The following KDM2B variants were observed in gnomAD, a reference collection of about 807,000 sequenced individuals.
The protein encoded by KDM2B is lysine demethylase 2B, also known as lysine-specific demethylase 2B.
KDM2B carries 26 observed loss-of-function variants against 150.0 expected under a neutral mutation model. The observed-to-expected ratio is 0.17, with a 90% CI of 0.13 to 0.24. The LOEUF (loss-of-function observed/expected upper bound fraction) is 0.24. Among genes scored for constraint, KDM2B ranks in the 10% least tolerant of loss-of-function variants. The pLI, the probability that KDM2B is intolerant of heterozygous loss-of-function variation, is 1.00. For missense variants in KDM2B, 1,265 were observed against 1,816.9 expected (o/e 0.70, Z 5.52); for synonymous variants, 734 against 729.5 (o/e 1.01, Z -0.10).
At chr12:121,494,371 G>A (rs1029177724) in intron 12 of KDM2B, 24 of 517,750 alleles carry the variant, frequency 4.6e-5, no homozygotes, top group Admixed American at 1.1e-4. Flanking sequence ...ACCACCAGGC[G>A]GCACTGTTCG....
rs782171290 is a variant in KDM2B, at chr12:121,580,888, TCCC to T, written c.21_23del (p.Gly8del). 4 of 1,613,372 alleles carry T rather than the reference TCCC, an allele frequency of 2.5e-6. No individual in the cohort carries two copies. The highest frequency in any genetic ancestry group is 4.5e-5 in the East Asian group (2 of 44,872). On this transcript the variant is annotated inframe_deletion, in exon 1 of 23. Coordinates refer to ENST00000377071, the MANE Select transcript of KDM2B (RefSeq NM_032590.5). ...TTCGTGGGGGGTGATCCTCTGCAGA[TCCC>T]CCCATTTGCGGACCCGCCATGTGGA...
intron 4 of KDM2B, among the ~76,000 whole-genome samples, chr12:121,558,759 T>G (rs1890103319): frequency 6.6e-6 from 1 of 151,980 alleles, no homozygotes; most frequent in South Asian, 2.1e-4. Context: ...CCAGCCTAAT[T>G]TTTGTATTTT....
downstream of KDM2B, among the ~76,000 whole-genome samples, chr12:121,424,604 A>G (rs371667128): frequency 1.0e-3 from 157 of 152,090 alleles, no homozygotes; most frequent in South Asian, 0.024. Flanking sequence ...CCAGCTACTC[A>G]GGAGGCTGAG....
intron 6 of KDM2B, among the ~76,000 whole-genome samples, chr12:121,536,836 G>A (rs529544722): frequency 2.6e-5 from 4 of 152,226 alleles, no homozygotes; most frequent in Non-Finnish European, 4.4e-5. Context: ...GAGAGGACAG[G>A]AGCTCGCCTC....
At chr12:121,477,670 C>T (rs1168287652) in intron 12 of KDM2B, among the ~76,000 whole-genome samples, 1 of 151,424 alleles carries the variant, frequency 6.6e-6, no homozygotes, top group Non-Finnish European at 1.5e-5. Flanking sequence ...TTCTGCCTCC[C>T]GGGTTCAAGC....
At chr12:121,471,214 T>TA (rs1282967574) in intron 12 of KDM2B, among the ~76,000 whole-genome samples, 1 of 152,134 alleles carries the variant, frequency 6.6e-6, no homozygotes, top group African/African-American at 2.4e-5. Flanking sequence ...CCTCATCTTC[T>TA]AGCGACCCTA....
At chr12:121,483,600 C>A (rs1360164583) in intron 12 of KDM2B, among the ~76,000 whole-genome samples, 1 of 148,872 alleles carries the variant, frequency 6.7e-6, no homozygotes, top group Non-Finnish European at 1.5e-5. Context: ...TCCCTTGAGT[C>A]CGGGAGGTGT....
rs370105782 is a variant in KDM2B at position 121,520,960 on chromosome 12, C to T, written c.1047+25G>A. The T allele has an allele frequency of 2.3e-5, 36 of 1,593,098 alleles. No individual in the cohort carries two copies. The highest frequency in any genetic ancestry group is 1.6e-4 in the East Asian group (7 of 44,716). On this transcript the variant is annotated intron_variant, in intron 9 of 22. Coordinates refer to ENST00000377071, the MANE Select transcript of KDM2B (RefSeq NM_032590.5). This position sits in a 1 kb window ranked among gnomAD's most constrained non-coding sequence, Gnocchi z 4.5. Reference sequence around the variant, plus strand: ...AGAGCTCAGGGGCCAGGCGCGCACGCGAGGACAGAAGGGAACCTCCTTACC... The same window carrying T: ...AGAGCTCAGGGGCCAGGCGCGCACGTGAGGACAGAAGGGAACCTCCTTACC...
chr12:121,504,843 G>A (rs935896721), intron 11 of KDM2B, among the ~76,000 whole-genome samples: 3 of 152,060 alleles, frequency 2.0e-5, no homozygotes, highest in Admixed American at 6.6e-5. Flanking sequence ...GCCACCGAGC[G>A]CGGTGGCTCA....
chr12:121,519,805 T>C (rs1555305557), intron 9 of KDM2B, among the ~76,000 whole-genome samples: 2 of 152,088 alleles, frequency 1.3e-5, no homozygotes, highest in African/African-American at 4.8e-5. Flanking sequence ...TAAAAGAAAA[T>C]GAATATTTGA....
Position 121,443,034 on chromosome 12 carries a change from T to C in KDM2B, c.2566-4A>G, listed in dbSNP as rs1875440205. 6.2e-7 allele frequency: 1 copy of C among 1,611,926 alleles called. No homozygotes were observed. Among genetic ancestry groups the C allele is most frequent in the South Asian group, 1.1e-5 (1 of 90,644 alleles). On this transcript the variant is annotated splice_polypyrimidine_tract_variant and splice_region_variant and intron_variant, in intron 17 of 22. Coordinates refer to ENST00000377071, the MANE Select transcript of KDM2B (RefSeq NM_032590.5). ...TATCTTCTTTGCCAGGTTTGAGCTGTCACGAAAAAGAAAGGACGCAGAGCT... is the reference window on the plus strand; with the variant it reads ...TATCTTCTTTGCCAGGTTTGAGCTGCCACGAAAAAGAAAGGACGCAGAGCT...
Position 121,442,963 on chromosome 12 carries a change from G to C in KDM2B, c.2604+29C>G. Reference sequence around the variant, plus strand: ...GGTGCAGCTCTAACCGCTCAGGCCTGGGGCACAGGAGGGAGGGGAAGATGG... The same window carrying C: ...GGTGCAGCTCTAACCGCTCAGGCCTCGGGCACAGGAGGGAGGGGAAGATGG... On this transcript the variant is annotated intron_variant, in intron 18 of 22. Coordinates refer to ENST00000377071, the MANE Select transcript of KDM2B (RefSeq NM_032590.5). This position sits in a 1 kb window ranked among gnomAD's most constrained non-coding sequence, Gnocchi z 7.7. 1 of 1,612,240 alleles carries C rather than the reference G, an allele frequency of 6.2e-7. No individual in the cohort carries two copies. Among genetic ancestry groups the C allele is most frequent in the Non-Finnish European group, 8.5e-7 (1 of 1,179,038 alleles).
At chr12:121,561,643 A>G (rs1449582802) in intron 4 of KDM2B, among the ~76,000 whole-genome samples, 1 of 152,068 alleles carries the variant, frequency 6.6e-6, no homozygotes, top group Non-Finnish European at 1.5e-5. Context: ...AACCACACCC[A>G]TCTATGTCCA....
At chr12:121,426,039 T>C (rs781963305), downstream of KDM2B, among the ~76,000 whole-genome samples, 135 of 152,176 alleles carry the variant, frequency 8.9e-4, no homozygotes, top group Non-Finnish European at 1.4e-3. Flanking sequence ...AGTAATCTTT[T>C]GATGAGACTC....
intron 12 of KDM2B, 165 bp downstream of exon 12, chr12:121,494,414 T>A: frequency 1.7e-6 from 1 of 572,522 alleles, no homozygotes; most frequent in Non-Finnish European, 3.1e-6. Context: ...CAACCCCCTT[T>A]TAAAAACAAA....
At chr12:121,413,558 C>A in the KDM2B span, among the ~76,000 whole-genome samples, 3 of 150,566 alleles carry the variant, frequency 2.0e-5, no homozygotes, top group Admixed American at 6.6e-5. Flanking sequence ...ATTACAGAAG[C>A]CTGCCACCAT....
chr12:121,559,479 C>T (rs1383255508), intron 4 of KDM2B, among the ~76,000 whole-genome samples: 1 of 152,146 alleles, frequency 6.6e-6, no homozygotes, highest in Non-Finnish European at 1.5e-5. Context: ...TGGGGTCCAG[C>T]CCCCACGGGG....
At chr12:121,507,218 T>C (rs1488399529) in intron 11 of KDM2B, among the ~76,000 whole-genome samples, 1 of 146,388 alleles carries the variant, frequency 6.8e-6, no homozygotes, top group Non-Finnish European at 1.5e-5. Flanking sequence ...ACAAAAAAAT[T>C]AGCCAGGGGT....
intron 11 of KDM2B, among the ~76,000 whole-genome samples, chr12:121,497,849 G>A (rs1355927277): frequency 6.6e-6 from 1 of 151,902 alleles, no homozygotes; most frequent in African/African-American, 2.4e-5. Flanking sequence ...TGTAATCCCA[G>A]CACTTTGGGA....
Sources: allele counts gnomAD v4.1 joint callset (sites outside exome capture counted in the v4.1 genomes callset), GRCh38; gene constraint gnomAD v4.1.1; non-coding constraint Gnocchi (gnomAD v3.1); transcripts MANE v1.5; gene names NCBI Gene and HGNC (gene_info 2026-07-23, HGNC 2026-07-21).